TDRD12: variants seen among roughly 807,000 people sequenced by gnomAD.
TDRD12 encodes tudor domain containing 12.
A neutral mutation model predicts 133.5 loss-of-function variants in TDRD12; 158 were observed. That is an observed-to-expected ratio of 1.18 (90% confidence interval 1.04 to 1.35). TDRD12 has a LOEUF of 1.35. Among genes scored for constraint, TDRD12 ranks in the 40% most tolerant of loss-of-function variants. TDRD12 has a pLI of 0.00. For synonymous variants in TDRD12, 460 were observed against 477.9 expected (o/e 0.96, Z 0.49); for missense variants, 1,443 against 1,321.3 (o/e 1.09, Z -1.43).
At chr19:32,787,676 C>T (rs1031274074) in intron 11 of TDRD12, among the ~76,000 whole-genome samples, 2 of 152,206 alleles carry the variant, frequency 1.3e-5, no homozygotes, top group African/African-American at 2.4e-5. Context: ...ACCAAGCTCC[C>T]GCATCCCAGG....
At chr19:32,751,282 C>T (rs1048444635) in intron 6 of TDRD12, among the ~76,000 whole-genome samples, 1 of 152,124 alleles carries the variant, frequency 6.6e-6, no homozygotes, top group Admixed American at 6.6e-5. Flanking sequence ...AGGACACAAT[C>T]TTGTTCCTTT....
chr19:32,755,962 A>G, intron 6 of TDRD12, 30 bp from the exon 7 acceptor site: 1 of 1,394,310 alleles, frequency 7.2e-7, no homozygotes, highest in African/African-American at 1.5e-5. Flanking sequence ...TATTTGTCTT[A>G]TTAGTCATGA....
intron 5 of TDRD12, among the ~76,000 whole-genome samples, chr19:32,749,413 G>T (rs1442879052): frequency 6.6e-6 from 1 of 152,156 alleles, no homozygotes; most frequent in Non-Finnish European, 1.5e-5. Context: ...CACAGCACCT[G>T]GTAGGTGGCA....
chr19:32,807,172 G>C (rs1971573950), intron 21 of TDRD12, among the ~76,000 whole-genome samples: 1 of 150,106 alleles, frequency 6.7e-6, no homozygotes, highest in Non-Finnish European at 1.5e-5. Flanking sequence ...TGGCTGAGCA[G>C]GGAGGATCTC....
At chr19:32,819,541 T>C (rs2868191) in intron 27 of TDRD12, among the ~76,000 whole-genome samples, 69,248 of 151,950 alleles carry the variant, frequency 0.46, 16,740 homozygotes, top group East Asian at 0.73. Context: ...TGGGAAGCAC[T>C]GACTTTGAGC....
intron 24 of TDRD12, among the ~76,000 whole-genome samples, chr19:32,812,802 G>A (rs765850269): frequency 7.2e-5 from 11 of 152,168 alleles, no homozygotes; most frequent in African/African-American, 1.9e-4. Flanking sequence ...GGTCCCTTTC[G>A]CCCTGCTTTG....
chr19:32,770,797 A>G (rs896213040), intron 8 of TDRD12, among the ~76,000 whole-genome samples: 4 of 152,240 alleles, frequency 2.6e-5, no homozygotes, highest in Admixed American at 2.6e-4. Flanking sequence ...CCTATCACAT[A>G]GAATTGAATC....
intron 1 of TDRD12, among the ~76,000 whole-genome samples, chr19:32,726,238 G>T (rs959345918): frequency 6.6e-6 from 1 of 151,704 alleles, no homozygotes; most frequent in Non-Finnish European, 1.5e-5. Context: ...CCACCACCAC[G>T]CCTGGCTAAT....
chr19:32,799,112 G>C (rs1428661133), intron 16 of TDRD12, among the ~76,000 whole-genome samples: 1 of 152,202 alleles, frequency 6.6e-6, no homozygotes, highest in Admixed American at 6.5e-5. Context: ...TCATGGGTCA[G>C]AGGCTTTGAG....
intron 11 of TDRD12, among the ~76,000 whole-genome samples, chr19:32,783,132 A>T (rs1160174123): frequency 1.3e-5 from 2 of 151,946 alleles, no homozygotes; most frequent in African/African-American, 4.8e-5. Context: ...TCTTGAGTCT[A>T]TTTTTGTGTA....
At chr19:32,784,714 G>GA (rs1970858063) in intron 11 of TDRD12, among the ~76,000 whole-genome samples, 1 of 152,134 alleles carries the variant, frequency 6.6e-6, no homozygotes, top group African/African-American at 2.4e-5. Context: ...TTAGTCTTGG[G>GA]AGGGTGTATG....
intron 1 of TDRD12, among the ~76,000 whole-genome samples, chr19:32,722,864 G>A (rs1968731344): frequency 1.3e-5 from 2 of 151,818 alleles, no homozygotes; most frequent in Admixed American, 1.3e-4. Flanking sequence ...ATTTTTGGTA[G>A]AGACGGGGTT....
At chr19:32,790,853 C>T (rs1202349276) in intron 12 of TDRD12, 111 bp from the exon 13 acceptor site, 5 of 1,426,772 alleles carry the variant, frequency 3.5e-6, no homozygotes, top group Non-Finnish European at 4.6e-6. Context: ...AGCATATATA[C>T]CCAGGTGTTT....
chr19:32,734,017 G>A (rs920908961), intron 2 of TDRD12, among the ~76,000 whole-genome samples: 2 of 150,880 alleles, frequency 1.3e-5, no homozygotes, highest in South Asian at 2.1e-4. Context: ...TTAGCCTCCC[G>A]AGTAGCTGGG....
In TDRD12 at chr19:32,788,322, G is replaced by A. The variant is rs970391304; in HGVS notation, c.1122-2209G>A. Among the ~76,000 whole-genome samples, 85 of 151,832 alleles carry A rather than the reference G, an allele frequency of 5.6e-4. 3 individuals are homozygous for A. The highest frequency in any genetic ancestry group is 5.9e-5 in the Non-Finnish European group (4 of 67,964). Reference sequence around the variant, plus strand: ...AGACAGGGTTTCACTATATTGGCCAGGCTGGTCTCAAACTCCTGACCTCAA... The same window carrying A: ...AGACAGGGTTTCACTATATTGGCCAAGCTGGTCTCAAACTCCTGACCTCAA... On this transcript the variant is annotated intron_variant, in intron 11 of 27. Transcript: ENST00000444215.
chr19:32,762,448 T>G (rs1401011402), intron 8 of TDRD12, among the ~76,000 whole-genome samples: 1 of 152,228 alleles, frequency 6.6e-6, no homozygotes, highest in African/African-American at 2.4e-5. Context: ...GTTGGGAGTT[T>G]TATTAGAGAA....
Position 32,738,855 on chromosome 19 carries a change from G to A in TDRD12, c.184-1G>A. ...AAAATAACTCTCTGTTTATTTTGCA[G>A]GTGTGTGTGGTCTATTGTGAGGAGC... On this transcript the variant is annotated splice_acceptor_variant, in intron 2 of 27. Coordinates refer to ENST00000444215, the Ensembl canonical transcript of TDRD12. LOFTEE classifies it high-confidence loss of function. The A allele has an allele frequency of 1.3e-6, 2 of 1,550,094 alleles. No individual in the cohort carries two copies. Among genetic ancestry groups the A allele is most frequent in the Admixed American group, 2.0e-5 (1 of 50,672 alleles).
intron 21 of TDRD12, among the ~76,000 whole-genome samples, chr19:32,804,889 C>T (rs1971499428): frequency 6.6e-6 from 1 of 151,080 alleles, no homozygotes. Flanking sequence ...GAGCGAGATT[C>T]CATCTCAAAA....
chr19:32,719,792 T>C (rs1279034437), exon 1 of TDRD12: 2 of 543,558 alleles, frequency 3.7e-6, no homozygotes, highest in Admixed American at 6.3e-5. Context: ...GGGCATCCGG[T>C]GGGTGCGGGA....
Sources: gnomAD v4.1 joint callset for allele counts (sites outside exome capture counted in the v4.1 genomes callset) on GRCh38, gnomAD v4.1.1 for gene constraint, MANE v1.5 for transcripts, NCBI Gene and HGNC (gene_info 2026-07-23, HGNC 2026-07-21) for gene names.